Variants in HS3ST5 observed in about 807,000 individuals in gnomAD.
The protein encoded by HS3ST5 is heparan sulfate glucosamine 3-O-sulfotransferase 5.
HS3ST5 carries 10 observed loss-of-function variants against 25.4 expected under a neutral mutation model. The ratio of observed to expected loss-of-function variants is 0.39; its 90% confidence interval spans 0.24 to 0.67. The LOEUF is 0.67. HS3ST5 is among the 30% of genes least tolerant of loss of function. The pLI, the probability that HS3ST5 is intolerant of heterozygous loss-of-function variation, is 0.44. For missense variants in HS3ST5, 324 were observed against 420.7 expected (o/e 0.77, Z 2.01); for synonymous variants, 170 against 162.4 (o/e 1.05, Z -0.36).
chr6:114,299,291 G>A (rs964102858), intron 1 of HS3ST5, among the ~76,000 whole-genome samples: 4 of 152,070 alleles, frequency 2.6e-5, no homozygotes, highest in Admixed American at 6.6e-5. Flanking sequence ...TGGTCAGACC[G>A]GTTGCTCTCA....
intron 1 of HS3ST5, among the ~76,000 whole-genome samples, chr6:114,272,970 G>A (rs117224685): frequency 0.015 from 2,341 of 152,174 alleles, 35 homozygotes; most frequent in Middle Eastern, 0.068. Flanking sequence ...GCAAGTCACA[G>A]CCAGGATTCT....
intron 1 of HS3ST5, among the ~76,000 whole-genome samples, chr6:114,275,775 A>T (rs986109893): frequency 1.3e-5 from 2 of 152,024 alleles, no homozygotes; most frequent in Non-Finnish European, 2.9e-5. Flanking sequence ...ATATTCACAC[A>T]TCACAATATA....
intron 2 of HS3ST5, among the ~76,000 whole-genome samples, chr6:114,214,661 C>T (rs908950628): frequency 1.3e-5 from 2 of 152,162 alleles, no homozygotes; most frequent in Admixed American, 6.5e-5. Context: ...GTATGCCACA[C>T]AGAATTTTAG....
intron 3 of HS3ST5, among the ~76,000 whole-genome samples, chr6:114,089,932 A>T (rs188204304): frequency 2.3e-3 from 354 of 152,334 alleles, no homozygotes; most frequent in Non-Finnish European, 3.0e-3. Context: ...TAATCGGAAT[A>T]ATTGTTAAAC....
chr6:114,068,009 G>A (rs113486339), intron 3 of HS3ST5, among the ~76,000 whole-genome samples: 1 of 152,096 alleles, frequency 6.6e-6, no homozygotes, highest in Admixed American at 6.6e-5. Flanking sequence ...GAACATTTGT[G>A]CATTGTGCAA....
intron 1 of HS3ST5, among the ~76,000 whole-genome samples, chr6:114,253,373 T>A (rs1045088338): frequency 3.9e-5 from 6 of 152,238 alleles, no homozygotes; most frequent in Non-Finnish European, 8.8e-5. Flanking sequence ...GTACTTTGTA[T>A]TGGTCAACAA....
At chr6:114,190,446 T>G (rs1307510574) in intron 2 of HS3ST5, among the ~76,000 whole-genome samples, 1 of 152,222 alleles carries the variant, frequency 6.6e-6, no homozygotes, top group African/African-American at 2.4e-5. Context: ...TATTGTCTCC[T>G]AGTGCATGCA....
At chr6:114,237,596 C>T (rs529728611) in intron 1 of HS3ST5, among the ~76,000 whole-genome samples, 55 of 152,178 alleles carry the variant, frequency 3.6e-4, no homozygotes, top group African/African-American at 1.2e-3. Context: ...ACTGAGCCTC[C>T]GAAGTTCCCC....
At chr6:114,295,842 A>C (rs1774796154) in intron 1 of HS3ST5, among the ~76,000 whole-genome samples, 1 of 152,182 alleles carries the variant, frequency 6.6e-6, no homozygotes, top group South Asian at 2.1e-4. Flanking sequence ...CAGCTTGTAC[A>C]ATCTTCAGGG....
intron 3 of HS3ST5, among the ~76,000 whole-genome samples, chr6:114,094,459 C>G (rs1041192998): frequency 1.3e-5 from 2 of 152,164 alleles, no homozygotes; most frequent in African/African-American, 4.8e-5. Flanking sequence ...CACTGAAGAA[C>G]AAATTCCTGT....
intron 1 of HS3ST5, among the ~76,000 whole-genome samples, chr6:114,281,402 G>A (rs1774103046): frequency 2.0e-5 from 3 of 152,108 alleles, no homozygotes; most frequent in South Asian, 4.1e-4. Context: ...GTAGTGAAAA[G>A]TTTCTTTAAA....
chr6:114,126,760 T>C (rs761047495), intron 3 of HS3ST5, among the ~76,000 whole-genome samples: 1 of 152,060 alleles, frequency 6.6e-6, no homozygotes, highest in Non-Finnish European at 1.5e-5. Context: ...CCAAAAGATG[T>C]CAATTTACTT....
chr6:114,200,884 T>A (rs937605876), intron 2 of HS3ST5, among the ~76,000 whole-genome samples: 17 of 152,190 alleles, frequency 1.1e-4, no homozygotes, highest in Non-Finnish European at 2.1e-4. Flanking sequence ...AAATGATTCA[T>A]CAATTCTCTC....
At chr6:114,200,867 G>A (rs1183680887) in intron 2 of HS3ST5, among the ~76,000 whole-genome samples, 2 of 152,046 alleles carry the variant, frequency 1.3e-5, no homozygotes, top group Non-Finnish European at 2.9e-5. Flanking sequence ...CTCAGAGAAC[G>A]CACAAAAAAT....
intron 3 of HS3ST5, among the ~76,000 whole-genome samples, chr6:114,075,330 T>C (rs1393948741): frequency 6.6e-6 from 1 of 152,230 alleles, no homozygotes; most frequent in Non-Finnish European, 1.5e-5. Context: ...TCTCACCTCC[T>C]GGCCCTAAAA....
intron 3 of HS3ST5, among the ~76,000 whole-genome samples, chr6:114,088,396 T>G (rs1207019088): frequency 1.5e-5 from 2 of 135,042 alleles, no homozygotes; most frequent in Non-Finnish European, 3.2e-5. Flanking sequence ...TGATCTTCTC[T>G]TTTTTTTTTT....
intron 3 of HS3ST5, among the ~76,000 whole-genome samples, chr6:114,071,423 T>G (rs777362721): frequency 6.6e-6 from 1 of 152,250 alleles, no homozygotes; most frequent in African/African-American, 2.4e-5. Context: ...AGGGCTGGTT[T>G]AGATGTTCTT....
At chr6:114,276,712 C>T (rs1773872114) in intron 1 of HS3ST5, among the ~76,000 whole-genome samples, 1 of 151,746 alleles carries the variant, frequency 6.6e-6, no homozygotes, top group Non-Finnish European at 1.5e-5. Context: ...ATTTTCTACT[C>T]TTTAACTCAT....
rs540762190 is a variant in HS3ST5, at chr6:114,329,447, G to A, written c.-339+12748C>T. On this transcript the variant is annotated intron_variant, in intron 1 of 4. Transcript: ENST00000312719. The stretch of plus-strand genomic sequence containing the variant: ...CATAATGCAGTCTGCTTTGCTCCAC[G>A]GGATTGGCATTGGGACTGCCACAGA... 6.5e-4 allele frequency among the ~76,000 whole-genome samples: 99 copies of A among 152,240 alleles called. 1 individual carries two copies. The highest frequency in any genetic ancestry group is 1.2e-3 in the Non-Finnish European group (84 of 68,018).
Sources: gnomAD v4.1 joint callset for allele counts (sites outside exome capture counted in the v4.1 genomes callset) on GRCh38, gnomAD v4.1.1 for gene constraint, MANE v1.5 for transcripts, NCBI Gene and HGNC (gene_info 2026-07-23, HGNC 2026-07-21) for gene names.